The following VAV2 variants were observed in gnomAD, a reference collection of about 807,000 sequenced individuals.
The protein encoded by VAV2 is guanine nucleotide exchange factor VAV2.
A neutral mutation model predicts 132.5 loss-of-function variants in VAV2; 67 were observed. The ratio of observed to expected loss-of-function variants is 0.51; its 90% CI spans 0.42 to 0.62. VAV2 has a LOEUF of 0.62. Ranked by LOEUF, VAV2 falls within the 20% of genes least tolerant of loss-of-function variation. The probability of loss-of-function intolerance (pLI) is 0.00; values close to 1 mark genes in which losing one functional copy is unlikely to be tolerated. For synonymous variants in VAV2, 492 were observed against 443.5 expected (o/e 1.11, Z -1.37); for missense variants, 938 against 1,153.6 (o/e 0.81, Z 2.71).
At chr9:133,899,024 C>T (rs931679295) in intron 2 of VAV2, among the ~76,000 whole-genome samples, 8 of 151,892 alleles carry the variant, frequency 5.3e-5, no homozygotes, top group Admixed American at 4.6e-4. Context: ...GGTTTCACCA[C>T]GTTAGCCAGG....
chr9:133,905,536 C>T (rs2132026584), intron 2 of VAV2, among the ~76,000 whole-genome samples: 1 of 152,306 alleles, frequency 6.6e-6, no homozygotes, highest in South Asian at 2.1e-4. Flanking sequence ...CATGCCCATC[C>T]CTTCTCCCCA....
In VAV2 at chr9:133,766,759, A is replaced by ATATATATAT. The variant is rs1833447141; in HGVS notation, c.2589+1682_2589+1683insATATATATA. Among the ~76,000 whole-genome samples the ATATATATAT allele has an allele frequency of 6.2e-4, 69 of 112,108 alleles. 1 individual carries two copies. Among genetic ancestry groups the ATATATATAT allele is most frequent in the African/African-American group, 1.2e-3 (32 of 27,720 alleles). The allele number at this position is 112,108 out of a possible 152,430, so 73.5% of individuals were successfully genotyped here. A position where few individuals can be genotyped will look rare whatever the true frequency, so the allele number is the denominator to read the frequency against. On this transcript the variant is annotated intron_variant, in intron 29 of 29. Transcript: ENST00000371850. ...TACCCTAGAACTTAAAGTATAAATA[A>ATATATATAT]ATATATATATATATATATATATATA...
At chr9:133,779,777 G>C in intron 21 of VAV2, 141 bp downstream of exon 21, 1 of 1,139,476 alleles carries the variant, frequency 8.8e-7, no homozygotes. Flanking sequence ...AAGAGGGAGG[G>C]GGCCCAGATG....
At chr9:133,860,432 C>T (rs1331012795) in intron 3 of VAV2, among the ~76,000 whole-genome samples, 1 of 152,184 alleles carries the variant, frequency 6.6e-6, no homozygotes, top group Non-Finnish European at 1.5e-5. Context: ...CTGCCCAGTG[C>T]CTCTGTGAAC....
chr9:133,792,465 TTGTGTGTGTGATTGTG>T (rs1446483165), intron 12 of VAV2, among the ~76,000 whole-genome samples: 3 of 38,434 alleles, frequency 7.8e-5, no homozygotes, highest in African/African-American at 3.3e-4. Context: ...GTGTGTGTGA[TTGTGTGTGTGATTGTG>T]TGAGCAGGTT....
intron 2 of VAV2, among the ~76,000 whole-genome samples, chr9:133,933,719 A>G (rs1282984472): frequency 2.6e-5 from 3 of 116,916 alleles, no homozygotes; most frequent in Non-Finnish European, 3.6e-5. Context: ...GAGTGGGTGG[A>G]TGGATGGATG....
At chr9:133,779,963 A>C in intron 20 of VAV2, 24 bp from the exon 21 acceptor site, 1 of 1,611,964 alleles carries the variant, frequency 6.2e-7, no homozygotes, top group Non-Finnish European at 8.5e-7. Flanking sequence ...GACAGAACAC[A>C]GAGATGAGGG....
chr9:133,873,302 G>A (rs879306150), intron 2 of VAV2, among the ~76,000 whole-genome samples: 3 of 152,132 alleles, frequency 2.0e-5, no homozygotes, highest in Non-Finnish European at 2.9e-5. Context: ...AGCCTGCCAC[G>A]GACGATCTCA....
At chr9:133,816,202 G>A (rs780995927) in intron 4 of VAV2, among the ~76,000 whole-genome samples, 9 of 152,118 alleles carry the variant, frequency 5.9e-5, no homozygotes, top group Middle Eastern at 3.2e-3. Context: ...TATTGAATTC[G>A]GTGAGTTCTT....
At position 133,883,946 on chromosome 9, in the gene VAV2, C is replaced by CAAT. The variant is rs1474281828; in HGVS notation, c.322-22517_322-22515dup. Among the ~76,000 whole-genome samples, 2 of 151,984 alleles carry CAAT rather than the reference C, an allele frequency of 1.3e-5. No individual in the cohort carries two copies. The highest frequency in any genetic ancestry group is 2.9e-5 in the Non-Finnish European group (2 of 67,994). ...GTCAGGAGATCAAGACCATCTTGATCAATATGGTGAAACCCCGTCTCTACT... is the reference window on the plus strand; with the variant it reads ...GTCAGGAGATCAAGACCATCTTGATCAATAATATGGTGAAACCCCGTCTCTACT... On this transcript the variant is annotated intron_variant, in intron 2 of 29. Transcript: ENST00000371850. The surrounding 1 kb of genome is among the most constrained non-coding windows in gnomAD (Gnocchi z 4.2).
At chr9:133,907,595 G>A (rs1186956091) in intron 2 of VAV2, among the ~76,000 whole-genome samples, 1 of 152,226 alleles carries the variant, frequency 6.6e-6, no homozygotes, top group African/African-American at 2.4e-5. Context: ...TTAGGGGATG[G>A]GAGAAGGCCT....
intron 20 of VAV2, among the ~76,000 whole-genome samples, chr9:133,780,406 G>T (rs1249518093): frequency 6.6e-6 from 1 of 152,224 alleles, no homozygotes; most frequent in African/African-American, 2.4e-5. Flanking sequence ...GGACTCGGGG[G>T]CAGGAGGGCT....
At position 133,763,965 on chromosome 9, in the gene VAV2, G is replaced by C; in HGVS notation, c.*97C>G. ...TGGGCAGTGGAAGACTGGGAGGTTG[G>C]TATTTCCCCTCTGAGTCACAGAGGA... On this transcript the variant is annotated 3_prime_UTR_variant, in exon 30 of 30. Transcript: ENST00000371850. This position sits in a 1 kb window ranked among gnomAD's most constrained non-coding sequence, Gnocchi z 6.8. The C allele has an allele frequency of 6.9e-7, 1 of 1,439,266 alleles. No homozygotes were observed. Among genetic ancestry groups the C allele is most frequent in the Non-Finnish European group, 9.8e-7 (1 of 1,024,558 alleles). 89.2% of individuals were successfully genotyped at this position (1,439,266 alleles called of 1,614,324 possible).
intron 2 of VAV2, among the ~76,000 whole-genome samples, chr9:133,931,736 T>C (rs1325097076): frequency 6.6e-6 from 1 of 152,094 alleles, no homozygotes; most frequent in Admixed American, 6.5e-5. Context: ...GGGACCACTG[T>C]CCTCACGTCA....
intron 3 of VAV2, among the ~76,000 whole-genome samples, chr9:133,846,528 G>A (rs563746597): frequency 7.9e-5 from 12 of 151,652 alleles, no homozygotes; most frequent in Admixed American, 3.3e-4. Context: ...CCCCTCACAC[G>A]TTGCTCCCTC....
intron 2 of VAV2, among the ~76,000 whole-genome samples, chr9:133,905,800 G>A (rs1266766106): frequency 2.0e-5 from 3 of 152,074 alleles, no homozygotes; most frequent in Non-Finnish European, 2.9e-5. Flanking sequence ...ACTTTGGGAG[G>A]CCGAGACAGG....
rs955529752 is a variant in VAV2 at position 133,928,526 on chromosome 9, G to A, written c.321+10577C>T. ...GGCAGGGAGTGCAAATGAACTCACCGCAGCATTAGCATCTCAGAGTCATCA... is the reference window on the plus strand; with the variant it reads ...GGCAGGGAGTGCAAATGAACTCACCACAGCATTAGCATCTCAGAGTCATCA... On this transcript the variant is annotated intron_variant, in intron 2 of 29. Coordinates refer to ENST00000371850, the MANE Select transcript of VAV2 (RefSeq NM_001134398.2). This position sits in a 1 kb window ranked among gnomAD's most constrained non-coding sequence, Gnocchi z 5.4. Among the ~76,000 whole-genome samples the A allele has an allele frequency of 6.6e-6, 1 of 152,178 alleles. No homozygotes were observed. The highest frequency in any genetic ancestry group is 1.5e-5 in the Non-Finnish European group (1 of 68,042).
intron 3 of VAV2, among the ~76,000 whole-genome samples, chr9:133,860,824 G>A (rs1282753361): frequency 6.6e-6 from 1 of 152,164 alleles, no homozygotes; most frequent in East Asian, 1.9e-4. Context: ...ACGCCCAAGT[G>A]CCCCATCCAA....
rs1839837407 is a variant in VAV2, at chr9:133,910,435, A to G, written c.321+28668T>C. Among the ~76,000 whole-genome samples, 3 of 152,074 alleles carry G rather than the reference A, an allele frequency of 2.0e-5. 1 individual carries two copies. The South Asian group carries it at 6.2e-4, about 31-fold the overall frequency. The stretch of plus-strand genomic sequence containing the variant: ...GGGGCACCGTGCGGTGGGCTCTCTC[A>G]TGTAACCGGCACCAAGCCCATTTGA... On this transcript the variant is annotated intron_variant, in intron 2 of 29. Transcript: ENST00000371850.
Sources: allele counts gnomAD v4.1 joint callset (sites outside exome capture counted in the v4.1 genomes callset), GRCh38; gene constraint gnomAD v4.1.1; non-coding constraint Gnocchi (gnomAD v3.1); transcripts MANE v1.5; gene names NCBI Gene and HGNC (gene_info 2026-07-23, HGNC 2026-07-21).